DYM: variants seen among roughly 807,000 people sequenced by gnomAD.
DYM encodes dyggve-Melchior-Clausen syndrome protein.
Under a neutral mutation model 93.1 loss-of-function variants are expected in DYM, and 78 were observed. The observed-to-expected ratio is 0.84, with a 90% CI of 0.70 to 1.01. DYM has a LOEUF of 1.01. DYM is among the 50% of genes least tolerant of loss of function. DYM has a pLI of 0.00. For synonymous variants in DYM, 321 were observed against 319.7 expected (o/e 1.00, Z -0.04); for missense variants, 789 against 845.0 (o/e 0.93, Z 0.82).
At chr18:49,433,128 T>C (rs1046495984) in intron 1 of DYM, among the ~76,000 whole-genome samples, 2 of 152,126 alleles carry the variant, frequency 1.3e-5, no homozygotes, top group Admixed American at 1.3e-4. Context: ...ATCACAGCCA[T>C]GGAGCAGGCT....
intron 15 of DYM, among the ~76,000 whole-genome samples, chr18:49,136,525 A>G (rs2083868477): frequency 6.6e-6 from 1 of 152,200 alleles, no homozygotes; most frequent in African/African-American, 2.4e-5. Flanking sequence ...ATCGTATTCT[A>G]GCAATCAATT....
intron 5 of DYM, among the ~76,000 whole-genome samples, chr18:49,364,158 T>A (rs1025514169): frequency 6.6e-6 from 1 of 152,128 alleles, no homozygotes; most frequent in African/African-American, 2.4e-5. Context: ...TAAAACTCAC[T>A]CCTGGGCTGG....
intron 1 of DYM, among the ~76,000 whole-genome samples, chr18:49,460,186 A>G (rs1445754316): frequency 6.6e-6 from 1 of 152,026 alleles, no homozygotes; most frequent in African/African-American, 2.4e-5. Flanking sequence ...CCAACTCCCA[A>G]CAGCGGACTC....
At chr18:49,154,832 T>C (rs1379665831) in intron 15 of DYM, among the ~76,000 whole-genome samples, 1 of 152,258 alleles carries the variant, frequency 6.6e-6, no homozygotes, top group Non-Finnish European at 1.5e-5. Flanking sequence ...AGTATGTTAT[T>C]CTTTTTTCTT....
intron 2 of DYM, among the ~76,000 whole-genome samples, chr18:49,414,313 G>A (rs1568403039): frequency 6.6e-6 from 1 of 152,098 alleles, no homozygotes; most frequent in East Asian, 1.9e-4. Flanking sequence ...AAGGTTACAA[G>A]AGTCAAGAGG....
At chr18:49,209,155 T>A (rs962065039) in intron 14 of DYM, among the ~76,000 whole-genome samples, 1 of 152,204 alleles carries the variant, frequency 6.6e-6, no homozygotes, top group Non-Finnish European at 1.5e-5. Flanking sequence ...ATAGGTGAAA[T>A]CCTACAGCTA....
At chr18:49,380,127 A>G (rs2067907267) in intron 3 of DYM, among the ~76,000 whole-genome samples, 6 of 152,194 alleles carry the variant, frequency 3.9e-5, no homozygotes, top group Admixed American at 3.9e-4. Flanking sequence ...TCCAGTATAT[A>G]GAATATAATA....
chr18:49,230,326 C>A (rs1020429213), intron 13 of DYM, among the ~76,000 whole-genome samples: 1 of 152,164 alleles, frequency 6.6e-6, no homozygotes, highest in Non-Finnish European at 1.5e-5. Flanking sequence ...AAGCTCAATT[C>A]TAATGTCCTG....
At chr18:49,090,350 C>G (rs1350193598) in intron 17 of DYM, among the ~76,000 whole-genome samples, 3 of 152,158 alleles carry the variant, frequency 2.0e-5, no homozygotes, top group Non-Finnish European at 4.4e-5. Flanking sequence ...ATGCTGAATG[C>G]TTCCTAGCTC....
At chr18:49,320,610 G>A (rs1416297062) in intron 8 of DYM, among the ~76,000 whole-genome samples, 1 of 152,084 alleles carries the variant, frequency 6.6e-6, no homozygotes, top group Non-Finnish European at 1.5e-5. Flanking sequence ...GAATAGCTGG[G>A]ATTACAGGTG....
At chr18:49,181,303 T>G (rs575795979) in intron 14 of DYM, among the ~76,000 whole-genome samples, 1 of 152,202 alleles carries the variant, frequency 6.6e-6, no homozygotes, top group South Asian at 2.1e-4. Flanking sequence ...TATATTTATA[T>G]GCCAATGAAA....
chr18:49,286,714 G>C lies in DYM; in HGVS notation c.764-98C>G, dbSNP rs2059690751. The C allele has an allele frequency of 4.1e-6, 5 of 1,207,124 alleles. No homozygotes were observed. The South Asian group carries it at 5.2e-5, about 13-fold the overall frequency. 74.8% of individuals were successfully genotyped at this position (1,207,124 alleles called of 1,614,324 possible). ...GTAATATAATACAATATGGTAATGA[G>C]CAGTTCCAAAGTGTAGAACAAGAAT... On this transcript the variant is annotated intron_variant, in intron 8 of 17. Coordinates refer to ENST00000675505, the MANE Select transcript of DYM (RefSeq NM_001353214.3).
chr18:49,399,934 C>CTTTTTTTTT lies in DYM; in HGVS notation c.141-8298_141-8290dup, dbSNP rs1201370040. On this transcript the variant is annotated intron_variant, in intron 2 of 17. Coordinates refer to ENST00000675505, the MANE Select transcript of DYM (RefSeq NM_001353214.3). ...TTAAAAGACATTTATTTTTATTTTT[C>CTTTTTTTTT]TTTTTTTTTTTTTTTTTTTTTTTTT... Among the ~76,000 whole-genome samples the CTTTTTTTTT allele has an allele frequency of 5.9e-4, 39 of 66,106 alleles. 1 individual carries two copies. Among genetic ancestry groups the CTTTTTTTTT allele is most frequent in the Non-Finnish European group, 7.1e-4 (26 of 36,430 alleles). The allele number at this position is 66,106 out of a possible 152,430, so 43.4% of individuals were successfully genotyped here.
intron 6 of DYM, among the ~76,000 whole-genome samples, chr18:49,360,969 A>T (rs573944547): frequency 3.1e-4 from 47 of 152,340 alleles, no homozygotes; most frequent in African/African-American, 1.0e-3. Context: ...GAAGGAAGAG[A>T]AGGCAATGAG....
chr18:49,257,151 T>C (rs531107742), intron 12 of DYM, 47 bp from the exon 13 acceptor site: 23 of 1,443,594 alleles, frequency 1.6e-5, no homozygotes, highest in Non-Finnish European at 2.1e-5. Context: ...GTCTTCTCTA[T>C]ATTTTAACCA....
chr18:49,351,933 T>C (rs780958786), intron 6 of DYM, among the ~76,000 whole-genome samples: 21 of 152,216 alleles, frequency 1.4e-4, no homozygotes, highest in Non-Finnish European at 1.5e-4. Context: ...AGCTATGTGA[T>C]AGCCCTAGAA....
At chr18:49,409,811 A>C (rs1200625906) in intron 2 of DYM, among the ~76,000 whole-genome samples, 1 of 152,200 alleles carries the variant, frequency 6.6e-6, no homozygotes, top group Non-Finnish European at 1.5e-5. Context: ...ATGTTGGTCA[A>C]TTGGTGTAGC....
At chr18:49,049,212 G>T (rs2072054418) in intron 17 of DYM, among the ~76,000 whole-genome samples, 1 of 152,098 alleles carries the variant, frequency 6.6e-6, no homozygotes, top group African/African-American at 2.4e-5. Context: ...TTATATGGCA[G>T]GCATATTCAA....
intron 10 of DYM, among the ~76,000 whole-genome samples, chr18:49,280,964 A>C (rs962540887): frequency 6.6e-6 from 1 of 152,192 alleles, no homozygotes; most frequent in African/African-American, 2.4e-5. Flanking sequence ...GATCTAATTA[A>C]ACTAAAGAGC....
Sources: gnomAD v4.1 joint callset for allele counts (sites outside exome capture counted in the v4.1 genomes callset) on GRCh38, gnomAD v4.1.1 for gene constraint, MANE v1.5 for transcripts, NCBI Gene and HGNC (gene_info 2026-07-23, HGNC 2026-07-21) for gene names.